The following TTC28 variants were observed in gnomAD, a reference collection of about 807,000 sequenced individuals.
TTC28 encodes the protein tetratricopeptide repeat protein 28.
TTC28 carries 61 observed loss-of-function variants against 198.0 expected under a neutral mutation model. The ratio of observed to expected loss-of-function variants is 0.31; its 90% confidence interval spans 0.25 to 0.38. The LOEUF (loss-of-function observed/expected upper bound fraction) is 0.38. Among genes scored for constraint, TTC28 ranks in the 10% least tolerant of loss-of-function variants. TTC28 has a pLI of 1.00. For missense variants in TTC28, 2,678 were observed against 3,164.0 expected, an observed-to-expected ratio of 0.85 and a Z score of 3.69; for synonymous variants, 1,171 against 1,297.8, an observed-to-expected ratio of 0.90 and a Z score of 2.10.
intron 2 of TTC28, among the ~76,000 whole-genome samples, chr22:28,311,989 C>T (rs1433693502): frequency 6.7e-6 from 1 of 148,806 alleles, no homozygotes; most frequent in East Asian, 2.0e-4. Context: ...TATACACAGG[C>T]TCAAAAGAAA....
chr22:27,982,175 G>GC lies in TTC28; in HGVS notation c.*45dup. On this transcript the variant is annotated 3_prime_UTR_variant, in exon 23 of 23. Coordinates refer to ENST00000397906, the MANE Select transcript of TTC28 (RefSeq NM_001145418.2). This position sits in a 1 kb window ranked among gnomAD's most constrained non-coding sequence, Gnocchi z 5.2. ...AGGGAAGGGCTGAAGCAAACGCCAGGCCCCCATCTGCAGGCTGCTCAGAGT... is the reference window on the plus strand; with the variant it reads ...AGGGAAGGGCTGAAGCAAACGCCAGGCCCCCCATCTGCAGGCTGCTCAGAGT... 1 of 1,450,482 alleles carries GC rather than the reference G, an allele frequency of 6.9e-7. No individual in the cohort carries two copies. Among genetic ancestry groups the GC allele is most frequent in the Non-Finnish European group, 9.1e-7 (1 of 1,099,216 alleles). 89.9% of individuals were successfully genotyped at this position (1,450,482 alleles called of 1,614,324 possible).
chr22:28,096,071 A>C, intron 11 of TTC28, 119 bp downstream of exon 11: 1 of 1,345,140 alleles, frequency 7.4e-7, no homozygotes, highest in African/African-American at 1.5e-5. Flanking sequence ...AGGTTTTGCT[A>C]AAATCTGACA....
At chr22:28,604,864 C>T (rs905977439) in intron 2 of TTC28, among the ~76,000 whole-genome samples, 4 of 152,114 alleles carry the variant, frequency 2.6e-5, no homozygotes, top group Admixed American at 6.6e-5. Context: ...ACCCACAAAG[C>T]GCCTATCTAC....
chr22:28,145,191 A>G (rs150522468), intron 6 of TTC28, among the ~76,000 whole-genome samples: 94 of 152,242 alleles, frequency 6.2e-4, no homozygotes, highest in Non-Finnish European at 1.9e-4. Context: ...GGCTCTAGTC[A>G]TTAAAGCGTT....
Position 28,044,602 on chromosome 22 carries a change from G to A in TTC28, c.3933-14236C>T, listed in dbSNP as rs529569375. Among the ~76,000 whole-genome samples the A allele has an allele frequency of 1.9e-4, 29 of 151,796 alleles. No homozygotes were observed. The East Asian group carries it at 2.1e-3, about 11-fold the overall frequency. On this transcript the variant is annotated intron_variant, in intron 12 of 22. Transcript: ENST00000397906. The stretch of plus-strand genomic sequence containing the variant: ...ATATCTCCTAATGCTATCCCTCCCC[G>A]CTCCCCCCAACCCACAACAGTCCCC...
At chr22:28,133,496 C>T (rs1273126508) in intron 6 of TTC28, among the ~76,000 whole-genome samples, 5 of 152,164 alleles carry the variant, frequency 3.3e-5, no homozygotes, top group Non-Finnish European at 7.3e-5. Context: ...CCTGGAAAAT[C>T]GGGCCACTCC....
At chr22:28,101,311 A>G (rs774440920) in intron 8 of TTC28, 31 bp from the exon 9 acceptor site, 23 of 1,502,470 alleles carry the variant, frequency 1.5e-5, no homozygotes, top group Non-Finnish European at 2.1e-5. Flanking sequence ...TTAAGGAAAC[A>G]TAGAAGATGG....
intron 6 of TTC28, among the ~76,000 whole-genome samples, chr22:28,114,261 G>A (rs1245531152): frequency 6.6e-6 from 1 of 152,160 alleles, no homozygotes; most frequent in Non-Finnish European, 1.5e-5. Flanking sequence ...GGGAGAAGTG[G>A]TCCCAGGTTT....
intron 6 of TTC28, among the ~76,000 whole-genome samples, chr22:28,159,232 C>T (rs923910349): frequency 7.2e-5 from 11 of 152,086 alleles, no homozygotes; most frequent in African/African-American, 2.7e-4. Flanking sequence ...GGCTTATATC[C>T]AAAGGACAGG....
At chr22:28,137,677 G>A (rs1943230267) in intron 6 of TTC28, among the ~76,000 whole-genome samples, 4 of 151,938 alleles carry the variant, frequency 2.6e-5, no homozygotes, top group Admixed American at 2.6e-4. Flanking sequence ...CCTTGCCTCA[G>A]AAGTCATATA....
At chr22:28,194,618 C>T (rs369659009) in intron 5 of TTC28, among the ~76,000 whole-genome samples, 2 of 152,084 alleles carry the variant, frequency 1.3e-5, no homozygotes, top group East Asian at 1.9e-4. Flanking sequence ...ACCGATCCCA[C>T]AGAAATACAA....
At chr22:28,491,920 T>C (rs906498797) in intron 2 of TTC28, among the ~76,000 whole-genome samples, 3 of 152,206 alleles carry the variant, frequency 2.0e-5, no homozygotes, top group South Asian at 2.1e-4. Context: ...CCACGGAATA[T>C]TATGCAGCCA....
chr22:28,082,674 C>T (rs1941410113), intron 12 of TTC28, among the ~76,000 whole-genome samples: 1 of 152,102 alleles, frequency 6.6e-6, no homozygotes, highest in Non-Finnish European at 1.5e-5. Context: ...ATTTTTGCAT[C>T]AATTTTCATG....
intron 12 of TTC28, among the ~76,000 whole-genome samples, chr22:28,030,940 C>T (rs555727456): frequency 5.9e-5 from 9 of 152,338 alleles, no homozygotes; most frequent in East Asian, 1.9e-4. Flanking sequence ...CCGCTGGAAA[C>T]GCAAACTTGA....
At chr22:28,378,013 C>T (rs1489636130) in intron 2 of TTC28, among the ~76,000 whole-genome samples, 1 of 151,976 alleles carries the variant, frequency 6.6e-6, no homozygotes, top group East Asian at 1.9e-4. Context: ...TTCAAAAAGA[C>T]ACAAAGCAAA....
At chr22:28,455,421 A>G (rs1414362787) in intron 2 of TTC28, among the ~76,000 whole-genome samples, 1 of 152,164 alleles carries the variant, frequency 6.6e-6, no homozygotes, top group East Asian at 1.9e-4. Flanking sequence ...TTCTAAACAA[A>G]AGAGCATCAT....
At chr22:28,143,157 A>G (rs958821069) in intron 6 of TTC28, among the ~76,000 whole-genome samples, 3 of 152,228 alleles carry the variant, frequency 2.0e-5, no homozygotes, top group Admixed American at 2.0e-4. Flanking sequence ...GACTCCCAAG[A>G]TAAGAATGAC....
chr22:28,151,197 G>A (rs930851387), intron 6 of TTC28, among the ~76,000 whole-genome samples: 2 of 152,172 alleles, frequency 1.3e-5, no homozygotes, highest in African/African-American at 2.4e-5. Flanking sequence ...TGAAGACTCA[G>A]CTATTAAAAG....
intron 5 of TTC28, among the ~76,000 whole-genome samples, chr22:28,257,283 A>C (rs1930995870): frequency 6.6e-6 from 1 of 152,190 alleles, no homozygotes; most frequent in African/African-American, 2.4e-5. Context: ...TCGACATATC[A>C]AAGAGATACC....
Sources: gnomAD v4.1 joint callset for allele counts (sites outside exome capture counted in the v4.1 genomes callset) on GRCh38, gnomAD v4.1.1 for gene constraint, Gnocchi (gnomAD v3.1) non-coding constraint, MANE v1.5 for transcripts, NCBI Gene and HGNC (gene_info 2026-07-23, HGNC 2026-07-21) for gene names.